ADGRB3: variants seen among roughly 807,000 people sequenced by gnomAD.
ADGRB3 encodes brain-specific angiogenesis inhibitor 3.
Under a neutral mutation model 193.4 loss-of-function variants are expected in ADGRB3, and 37 were observed. The ratio of observed to expected loss-of-function variants is 0.19; its 90% CI spans 0.15 to 0.25. ADGRB3 has a LOEUF of 0.25. Among genes scored for constraint, ADGRB3 ranks in the 10% least tolerant of loss-of-function variants. The pLI, the probability that ADGRB3 is intolerant of heterozygous loss-of-function variation, is 1.00. For synonymous variants in ADGRB3, 690 were observed against 644.2 expected, an observed-to-expected ratio of 1.07 and a Z score of -1.08; for missense variants, 1,637 against 1,852.9, an observed-to-expected ratio of 0.88 and a Z score of 2.14.
At chr6:69,311,502 T>A (rs557994686) in intron 20 of ADGRB3, among the ~76,000 whole-genome samples, 2 of 151,722 alleles carry the variant, frequency 1.3e-5, no homozygotes, top group Non-Finnish European at 3.0e-5. Flanking sequence ...AGCTCTTTAA[T>A]TCTTGGCAAA....
At chr6:69,294,984 T>G (rs1256797063) in intron 20 of ADGRB3, among the ~76,000 whole-genome samples, 3 of 152,198 alleles carry the variant, frequency 2.0e-5, no homozygotes, top group African/African-American at 7.2e-5. Flanking sequence ...ATCTATTTGG[T>G]GACGTTCTGT....
chr6:69,093,937 A>C (rs1473285504), intron 17 of ADGRB3, among the ~76,000 whole-genome samples: 1 of 152,170 alleles, frequency 6.6e-6, no homozygotes, highest in Non-Finnish European at 1.5e-5. Context: ...TAAATCAGAG[A>C]AAAGTACAAG....
At chr6:68,772,887 AAAAAAAAATATATATATATAT>A (rs1291428525) in intron 3 of ADGRB3, among the ~76,000 whole-genome samples, 3 of 48,292 alleles carry the variant, frequency 6.2e-5, no homozygotes, top group East Asian at 6.6e-4. Context: ...ACAAACAAAA[AAAAAAAAATATATATATATAT>A]ATATATATAT....
chr6:69,204,032 C>T (rs1441448505), intron 17 of ADGRB3, among the ~76,000 whole-genome samples: 2 of 152,058 alleles, frequency 1.3e-5, no homozygotes, highest in Non-Finnish European at 2.9e-5. Context: ...CAAAGCTGTG[C>T]CATGAACACA....
intron 4 of ADGRB3, among the ~76,000 whole-genome samples, chr6:68,934,110 A>G (rs1486108926): frequency 6.6e-6 from 1 of 152,196 alleles, no homozygotes; most frequent in Non-Finnish European, 1.5e-5. Context: ...AAAAAGAAGT[A>G]TTTAGTGGAA....
intron 30 of ADGRB3, among the ~76,000 whole-genome samples, chr6:69,374,291 C>T (rs183894163): frequency 1.2e-4 from 19 of 152,096 alleles, no homozygotes; most frequent in East Asian, 9.7e-4. Context: ...AGTATAAATG[C>T]GAATGAATTG....
At chr6:68,963,860 A>T (rs1225929141) in intron 8 of ADGRB3, among the ~76,000 whole-genome samples, 1 of 152,172 alleles carries the variant, frequency 6.6e-6, no homozygotes, top group Non-Finnish European at 1.5e-5. Flanking sequence ...TTATATGATT[A>T]TATCTGTTGA....
intron 20 of ADGRB3, among the ~76,000 whole-genome samples, chr6:69,321,785 A>G (rs9446107): frequency 2.4e-4 from 37 of 151,938 alleles, no homozygotes; most frequent in African/African-American, 8.7e-4. Flanking sequence ...TTATATTGTA[A>G]AGACTTTTGC....
At chr6:68,749,260 C>G (rs1276503945) in intron 3 of ADGRB3, among the ~76,000 whole-genome samples, 2 of 152,160 alleles carry the variant, frequency 1.3e-5, no homozygotes, top group African/African-American at 4.8e-5. Context: ...TTTTTCTTTT[C>G]TGTCGCATAG....
At chr6:69,260,421 A>G (rs569579158) in intron 20 of ADGRB3, among the ~76,000 whole-genome samples, 229 of 152,248 alleles carry the variant, frequency 1.5e-3, no homozygotes, top group African/African-American at 5.1e-3. Context: ...CCCTCATTGG[A>G]AGCAGAAATA....
At chr6:69,184,572 A>AT (rs1765031250) in intron 17 of ADGRB3, among the ~76,000 whole-genome samples, 4 of 152,226 alleles carry the variant, frequency 2.6e-5, no homozygotes, top group Admixed American at 2.6e-4. Context: ...AAGCAGAATT[A>AT]TTTTTATTTT....
At chr6:69,279,765 C>T (rs1055485531) in intron 20 of ADGRB3, among the ~76,000 whole-genome samples, 5 of 151,970 alleles carry the variant, frequency 3.3e-5, no homozygotes, top group African/African-American at 1.2e-4. Context: ...CTAGGTTTGT[C>T]CTCAGCCTAG....
chr6:69,016,380 C>T (rs185463760), intron 12 of ADGRB3, among the ~76,000 whole-genome samples: 19 of 152,000 alleles, frequency 1.3e-4, no homozygotes, highest in Admixed American at 9.8e-4. Flanking sequence ...CAATCCACTG[C>T]GATTACAAAG....
chr6:69,243,392 A>G (rs1470384602), intron 20 of ADGRB3, among the ~76,000 whole-genome samples: 1 of 151,942 alleles, frequency 6.6e-6, no homozygotes, highest in Non-Finnish European at 1.5e-5. Context: ...GGACATAGCA[A>G]CATTCTAGGA....
intron 15 of ADGRB3, among the ~76,000 whole-genome samples, chr6:69,055,866 G>T (rs1223381965): frequency 6.6e-6 from 1 of 151,730 alleles, no homozygotes; most frequent in African/African-American, 2.4e-5. Flanking sequence ...GTCTCGCTCT[G>T]TTGCACAGGC....
chr6:68,822,170 G>A (rs189500601), intron 3 of ADGRB3, among the ~76,000 whole-genome samples: 130 of 151,690 alleles, frequency 8.6e-4, no homozygotes, highest in African/African-American at 3.0e-3. Context: ...GATGACATTC[G>A]GAAAATAAAG....
chr6:68,687,773 A>G (rs926634536), intron 3 of ADGRB3, among the ~76,000 whole-genome samples: 1 of 152,218 alleles, frequency 6.6e-6, no homozygotes, highest in South Asian at 2.1e-4. Context: ...AACAATTCTG[A>G]TAAGATCTGT....
intron 8 of ADGRB3, among the ~76,000 whole-genome samples, chr6:68,960,172 G>C (rs1470688966): frequency 6.6e-6 from 1 of 152,044 alleles, no homozygotes; most frequent in African/African-American, 2.4e-5. Flanking sequence ...TAACTGCTAA[G>C]TTGGAACCTA....
intron 11 of ADGRB3, among the ~76,000 whole-genome samples, chr6:69,003,016 C>T (rs1448959316): frequency 6.6e-6 from 1 of 152,140 alleles, no homozygotes; most frequent in African/African-American, 2.4e-5. Context: ...GCTCTGTGAT[C>T]CAAGACAAGT....
Sources: gnomAD v4.1 joint callset for allele counts (sites outside exome capture counted in the v4.1 genomes callset) on GRCh38, gnomAD v4.1.1 for gene constraint, MANE v1.5 for transcripts, NCBI Gene and HGNC (gene_info 2026-07-23, HGNC 2026-07-21) for gene names.